PTK2: variants seen among roughly 807,000 people sequenced by gnomAD.
The protein encoded by PTK2 is focal adhesion kinase 1.
PTK2 carries 45 observed loss-of-function variants against 150.1 expected under a neutral mutation model. The observed-to-expected ratio is 0.30, with a 90% CI of 0.24 to 0.38. The LOEUF is 0.38. PTK2 is among the 10% of genes least tolerant of loss of function. The probability of loss-of-function intolerance (pLI) is 1.00; values close to 1 mark genes in which losing one functional copy is unlikely to be tolerated. For synonymous variants in PTK2, 432 were observed against 449.2 expected, an observed-to-expected ratio of 0.96 and a Z score of 0.48; for missense variants, 919 against 1,307.3, an observed-to-expected ratio of 0.70 and a Z score of 4.58.
At chr8:140,721,308 A>G (rs569827369) in intron 22 of PTK2, among the ~76,000 whole-genome samples, 1 of 152,314 alleles carries the variant, frequency 6.6e-6, no homozygotes, top group East Asian at 1.9e-4. Flanking sequence ...CTGGCTATCA[A>G]TCAAACCAAC....
intron 4 of PTK2, 41 bp from the exon 5 acceptor site, chr8:140,864,440 A>G (rs2100138090): frequency 8.2e-7 from 1 of 1,213,168 alleles, no homozygotes; most frequent in Admixed American, 2.0e-5. Flanking sequence ...GAAATCAGTC[A>G]TTTTCTCAAT....
chr8:140,848,893 A>G (rs963377090), intron 5 of PTK2, among the ~76,000 whole-genome samples: 2 of 152,222 alleles, frequency 1.3e-5, no homozygotes, highest in Non-Finnish European at 2.9e-5. Context: ...CAATTACATG[A>G]TGAGGAAAAT....
At chr8:140,996,086 A>G (rs1334314542) in intron 1 of PTK2, among the ~76,000 whole-genome samples, 1 of 151,902 alleles carries the variant, frequency 6.6e-6, no homozygotes, top group Non-Finnish European at 1.5e-5. Flanking sequence ...AAACAAAACA[A>G]AACAAAACAA....
chr8:140,944,706 G>C (rs1312577236), intron 1 of PTK2, among the ~76,000 whole-genome samples: 2 of 152,190 alleles, frequency 1.3e-5, no homozygotes, highest in African/African-American at 2.4e-5. Context: ...AAAAGTCAAA[G>C]CTTCAGCCGG....
At chr8:140,748,506 A>AAG (rs200765838) in intron 17 of PTK2, among the ~76,000 whole-genome samples, 4,387 of 151,418 alleles carry the variant, frequency 0.029, 209 homozygotes, top group African/African-American at 0.099. Context: ...CAAAAAAAAA[A>AAG]AAAAAAAAAA....
chr8:140,758,057 T>A (rs541907636), intron 16 of PTK2, among the ~76,000 whole-genome samples: 1 of 152,356 alleles, frequency 6.6e-6, no homozygotes, highest in South Asian at 2.1e-4. Context: ...TTTTCTAATA[T>A]ACTACACTTT....
chr8:140,681,669 C>T (rs1293816333), intron 27 of PTK2, among the ~76,000 whole-genome samples: 8 of 150,980 alleles, frequency 5.3e-5, no homozygotes, highest in Admixed American at 2.0e-4. Flanking sequence ...CGCAGCTACT[C>T]GGGAGGCTGA....
Position 140,820,076 on chromosome 8 carries a change from G to GTTTTT in PTK2, c.649-1061_649-1057dup, listed in dbSNP as rs370537018. Among the ~76,000 whole-genome samples the GTTTTT allele has an allele frequency of 3.4e-3, 172 of 50,240 alleles. 35 individuals are homozygous for GTTTTT. Among genetic ancestry groups the GTTTTT allele is most frequent in the Non-Finnish European group, 6.1e-3 (145 of 23,958 alleles). 33.0% of individuals were successfully genotyped at this position (50,240 alleles called of 152,430 possible). ...AGAGGAGTGACTTTATCTGACTTTGGTTTTTTTTTTTTTTTTTTTTTTTTT... is the reference window on the plus strand; with the variant it reads ...AGAGGAGTGACTTTATCTGACTTTGGTTTTTTTTTTTTTTTTTTTTTTTTTTTTTT... On this transcript the variant is annotated intron_variant, in intron 8 of 31. Coordinates refer to ENST00000522684, the Ensembl canonical transcript of PTK2.
At chr8:140,928,514 T>C (rs1302598056) in intron 1 of PTK2, among the ~76,000 whole-genome samples, 1 of 152,206 alleles carries the variant, frequency 6.6e-6, no homozygotes, top group East Asian at 1.9e-4. Context: ...CCCATATTCA[T>C]AGCAGCATTA....
intron 1 of PTK2, among the ~76,000 whole-genome samples, chr8:140,949,439 G>C (rs548359588): frequency 2.6e-5 from 4 of 152,172 alleles, no homozygotes; most frequent in Admixed American, 2.6e-4. Context: ...TCCTAGCCTC[G>C]GCTCCGGAGC....
Position 140,717,621 on chromosome 8 carries a change from C to T in PTK2, c.2119G>A (p.Gly707Arg), listed in dbSNP as rs947056286. 2.5e-6 allele frequency: 4 copies of T among 1,613,836 alleles called. No individual in the cohort carries two copies. In the African/African-American group the frequency reaches 5.3e-5, roughly 22 times the overall value. Residue 707 changes from glycine to arginine, a missense_variant, in exon 23 of 32, where the codon GGG (glycine) becomes AGG (arginine). Gly to Arg is a moderately radical substitution (Grantham distance 125, BLOSUM62 -2). Around this residue, in one of 3 missense-constraint regions of PTK2, gnomAD observed 555 missense variants for 880.1 expected, o/e 0.63. Transcript: ENST00000522684. ...ACCTTGGGCGGTGCTTCATCAGACC[C>T]TCCGGAGTCCCAGGACACTGTGGCC...
At chr8:140,725,102 A>G (rs1305782592) in intron 22 of PTK2, among the ~76,000 whole-genome samples, 3 of 152,178 alleles carry the variant, frequency 2.0e-5, no homozygotes, top group Non-Finnish European at 4.4e-5. Context: ...TTATTTTTAA[A>G]AAAACCCTGA....
chr8:140,689,951 T>A (rs969405678), intron 26 of PTK2, among the ~76,000 whole-genome samples: 11 of 152,286 alleles, frequency 7.2e-5, no homozygotes, highest in African/African-American at 1.9e-4. Flanking sequence ...TATTTTCATT[T>A]TTTATTTATT....
chr8:140,813,451 G>C (rs1431403890), intron 10 of PTK2, among the ~76,000 whole-genome samples: 1 of 138,974 alleles, frequency 7.2e-6, no homozygotes, highest in South Asian at 2.3e-4. Flanking sequence ...ACATTCTCTC[G>C]GAGCACAGCA....
At chr8:140,920,838 G>C in intron 2 of PTK2, 1 of 1,525,140 alleles carries the variant, frequency 6.6e-7, no homozygotes, top group Non-Finnish European at 8.8e-7. Context: ...ACTGGAAATG[G>C]ACTACATCCG....
At chr8:140,903,502 G>C (rs908476121) in intron 2 of PTK2, among the ~76,000 whole-genome samples, 2 of 152,200 alleles carry the variant, frequency 1.3e-5, no homozygotes, top group East Asian at 3.9e-4. Context: ...TTTTGGTTCC[G>C]TATGAAATTT....
chr8:140,698,579 G>A (rs1381768756), intron 26 of PTK2, among the ~76,000 whole-genome samples: 1 of 151,946 alleles, frequency 6.6e-6, no homozygotes, highest in Non-Finnish European at 1.5e-5. Flanking sequence ...TCAACCTCCT[G>A]AATAGCTGGG....
intron 8 of PTK2, among the ~76,000 whole-genome samples, chr8:140,824,652 A>G (rs1419741350): frequency 6.6e-6 from 1 of 152,232 alleles, no homozygotes; most frequent in South Asian, 2.1e-4. Flanking sequence ...AGTTTTTACG[A>G]AAAGGATATC....
At chr8:140,763,823 G>A (rs2100070705) in intron 15 of PTK2, among the ~76,000 whole-genome samples, 1 of 152,098 alleles carries the variant, frequency 6.6e-6, no homozygotes, top group African/African-American at 2.4e-5. Flanking sequence ...ATATATGTGT[G>A]TGAAAGTATG....
Sources: allele counts gnomAD v4.1 joint callset (sites outside exome capture counted in the v4.1 genomes callset), GRCh38; gene constraint gnomAD v4.1.1; regional missense constraint gnomAD v4.1.1; transcripts MANE v1.5; gene names NCBI Gene and HGNC (gene_info 2026-07-23, HGNC 2026-07-21).